PRKG2: variants seen among roughly 807,000 people sequenced by gnomAD.
PRKG2 encodes protein kinase cGMP-dependent 2.
In PRKG2, 33 loss-of-function variants were observed where a neutral mutation model predicts 97.2. The observed-to-expected ratio is 0.34, with a 90% confidence interval of 0.26 to 0.45. The LOEUF is 0.45. PRKG2 is among the 20% of genes least tolerant of loss of function. The probability of loss-of-function intolerance (pLI) is 1.00; values close to 1 mark genes in which losing one functional copy is unlikely to be tolerated. For missense variants in PRKG2, 638 were observed against 900.0 expected (o/e 0.71, Z 3.73); for synonymous variants, 330 against 321.8 (o/e 1.03, Z -0.27).
At chr4:81,126,629 G>A (rs763364376) in intron 14 of PRKG2, among the ~76,000 whole-genome samples, 15 of 152,304 alleles carry the variant, frequency 9.8e-5, no homozygotes, top group Non-Finnish European at 2.1e-4. Context: ...AATGACCAGT[G>A]ATGATGAGCT....
chr4:81,205,509 C>A lies in PRKG2; in HGVS notation c.-13-449G>T, dbSNP rs151204253. 2.2e-3 allele frequency among the ~76,000 whole-genome samples: 333 copies of A among 152,336 alleles called. 2 individuals carry two copies. Among genetic ancestry groups the A allele is most frequent in the Admixed American group, 0.021 (315 of 15,304 alleles). ...CTCCCCATGCGGCAACAGTAAGAAA[C>A]CTTCCCCAGATTTAGAAAATTACAC... On this transcript the variant is annotated intron_variant, in intron 1 of 18. Transcript: ENST00000264399.
chr4:81,149,858 T>C (rs904453415), intron 8 of PRKG2, among the ~76,000 whole-genome samples: 3 of 152,170 alleles, frequency 2.0e-5, no homozygotes, highest in African/African-American at 7.2e-5. Flanking sequence ...AAAGTGTATT[T>C]CCTTTGCCTT....
chr4:81,169,843 A>G (rs1012819009), intron 4 of PRKG2, 75 bp from the exon 5 acceptor site: 4 of 930,294 alleles, frequency 4.3e-6, no homozygotes, highest in Admixed American at 2.7e-5. Flanking sequence ...AAATCGATGG[A>G]TTTGTTATAT....
At chr4:81,132,633 CT>C (rs1746291807) in intron 14 of PRKG2, among the ~76,000 whole-genome samples, 1 of 152,116 alleles carries the variant, frequency 6.6e-6, no homozygotes, top group Admixed American at 6.6e-5. Flanking sequence ...TGAATATCTA[CT>C]CTTTGTTTCT....
intron 14 of PRKG2, among the ~76,000 whole-genome samples, chr4:81,118,995 C>A (rs907282613): frequency 1.3e-5 from 2 of 152,124 alleles, no homozygotes; most frequent in African/African-American, 4.8e-5. Flanking sequence ...TGAGGTTTCA[C>A]CATGTTGGTC....
At chr4:81,124,208 C>T (rs1388548571) in intron 14 of PRKG2, among the ~76,000 whole-genome samples, 1 of 152,088 alleles carries the variant, frequency 6.6e-6, no homozygotes, top group African/African-American at 2.4e-5. Context: ...TTTTCATTTA[C>T]TTTTTTTCAG....
chr4:81,101,550 A>T (rs897399620), intron 17 of PRKG2, among the ~76,000 whole-genome samples: 1 of 106,298 alleles, frequency 9.4e-6, no homozygotes, highest in Non-Finnish European at 1.8e-5. Context: ...GGAACATCAC[A>T]CACCGGGGCC....
intron 14 of PRKG2, among the ~76,000 whole-genome samples, chr4:81,121,861 A>G (rs1403092656): frequency 1.3e-5 from 2 of 152,198 alleles, no homozygotes; most frequent in Non-Finnish European, 2.9e-5. Flanking sequence ...ATAGTTTGCC[A>G]TTATAGGGCT....
chr4:81,216,536 T>A (rs552973786), upstream of PRKG2, among the ~76,000 whole-genome samples: 4 of 151,980 alleles, frequency 2.6e-5, no homozygotes, highest in Admixed American at 2.0e-4. Flanking sequence ...GTCTTCACTT[T>A]AAAAAAAAAT....
chr4:81,173,741 GT>G (rs199514504), intron 3 of PRKG2: 472 of 152,052 alleles, frequency 3.1e-3, no homozygotes, highest in African/African-American at 0.011. Flanking sequence ...AATAATACAT[GT>G]TTATTAATTT....
rs181549109 is a variant in PRKG2 at position 81,165,227 on chromosome 4, T to C, written c.912+1934A>G. Among the ~76,000 whole-genome samples the C allele has an allele frequency of 3.2e-3, 486 of 152,202 alleles. 1 individual carries two copies. Among genetic ancestry groups the C allele is most frequent in the Middle Eastern group, 0.01 (3 of 294 alleles). ...TAAAGCAAGAAATGCCATTGGAACA[T>C]TGCACAATCAGGGCCATTTGTTCTA... On this transcript the variant is annotated intron_variant, in intron 6 of 18. Coordinates refer to ENST00000264399, the MANE Select transcript of PRKG2 (RefSeq NM_006259.3).
chr4:81,168,850 T>C (rs1362701377), intron 5 of PRKG2, among the ~76,000 whole-genome samples: 2 of 151,896 alleles, frequency 1.3e-5, no homozygotes, highest in East Asian at 3.9e-4. Context: ...CTAGAAAAAA[T>C]TACCATAAGA....
chr4:81,179,794 C>T (rs186735936), intron 2 of PRKG2, among the ~76,000 whole-genome samples: 7 of 152,108 alleles, frequency 4.6e-5, no homozygotes, highest in Non-Finnish European at 7.4e-5. Flanking sequence ...AGGATGCATG[C>T]CATAATTTAT....
chr4:81,120,804 C>G (rs1260919139), intron 14 of PRKG2, among the ~76,000 whole-genome samples: 7 of 152,134 alleles, frequency 4.6e-5, no homozygotes, highest in African/African-American at 1.7e-4. Context: ...TGTCTTGCTG[C>G]ATTAACTAGG....
At chr4:81,092,496 GGAAGGAAGGAA>G in intron 17 of PRKG2, 44 bp from the exon 18 acceptor site, 1 of 1,036,536 alleles carries the variant, frequency 9.6e-7, no homozygotes. Context: ...AAGGAAGGAA[GGAAGGAAGGAA>G]GGAAGGGAGA....
Position 81,137,490 on chromosome 4 carries a change from G to A in PRKG2, c.1545-8C>T. On this transcript the variant is annotated splice_region_variant and splice_polypyrimidine_tract_variant and intron_variant, in intron 12 of 18. Coordinates refer to ENST00000264399, the MANE Select transcript of PRKG2 (RefSeq NM_006259.3). ...TTGAAAGTACGATATAATCTGTGAA[G>A]ACAGATAAAAACATGGTTATTATTG... The A allele has an allele frequency of 6.3e-7, 1 of 1,589,906 alleles. No individual in the cohort carries two copies. The highest frequency in any genetic ancestry group is 8.6e-7 in the Non-Finnish European group (1 of 1,160,224).
chr4:81,091,239 G>A (rs1741498401), intron 18 of PRKG2, among the ~76,000 whole-genome samples: 1 of 152,066 alleles, frequency 6.6e-6, no homozygotes, highest in Non-Finnish European at 1.5e-5. Flanking sequence ...GATTATAGTA[G>A]ACATGTTTAA....
chr4:81,133,292 G>A (rs761046426), intron 14 of PRKG2, among the ~76,000 whole-genome samples: 2 of 152,084 alleles, frequency 1.3e-5, no homozygotes, highest in African/African-American at 2.4e-5. Flanking sequence ...TTACAAATTT[G>A]ATATTTTTTT....
chr4:81,153,933 G>A (rs112630274), intron 6 of PRKG2, among the ~76,000 whole-genome samples: 17 of 152,268 alleles, frequency 1.1e-4, no homozygotes, highest in African/African-American at 3.9e-4. Context: ...GCCGAAGCAG[G>A]GCGAGGCATT....
Sources: gnomAD v4.1 joint callset for allele counts (sites outside exome capture counted in the v4.1 genomes callset) on GRCh38, gnomAD v4.1.1 for gene constraint, MANE v1.5 for transcripts, NCBI Gene and HGNC (gene_info 2026-07-23, HGNC 2026-07-21) for gene names.